Variants in NCAPD3 observed in about 807,000 individuals in gnomAD.
NCAPD3 encodes non-SMC condensin II complex subunit D3.
NCAPD3 carries 105 observed loss-of-function variants against 182.9 expected under a neutral mutation model. The ratio of observed to expected loss-of-function variants is 0.57; its 90% CI spans 0.49 to 0.68. The LOEUF is 0.68. NCAPD3 is among the 30% of genes least tolerant of loss of function. The pLI is 0.00. For synonymous variants in NCAPD3, 815 were observed against 679.9 expected, an observed-to-expected ratio of 1.20 and a Z score of -3.09; for missense variants, 1,944 against 1,837.0, an observed-to-expected ratio of 1.06 and a Z score of -1.07.
chr11:134,156,822 G>T (rs930866115), intron 32 of NCAPD3, 196 bp downstream of exon 32: 1 of 489,348 alleles, frequency 2.0e-6, no homozygotes, highest in Admixed American at 3.9e-5. Flanking sequence ...AACGACACTG[G>T]AACAACATAC....
chr11:134,157,000 T>A lies in NCAPD3; in HGVS notation c.4252+18A>T. ...GAGAGACTGAGGAGAAGCCCACGTG[T>A]TCCGATCAGTTACTCACTCTCGGGG... On this transcript the variant is annotated intron_variant, in intron 32 of 34. Transcript: ENST00000534548. 1 of 1,597,342 alleles carries A rather than the reference T, an allele frequency of 6.3e-7. No individual in the cohort carries two copies.
chr11:134,166,095 G>A (rs562194195), intron 27 of NCAPD3, among the ~76,000 whole-genome samples: 7 of 34,690 alleles, frequency 2.0e-4, no homozygotes, highest in African/African-American at 6.9e-4. Flanking sequence ...TGAGCTTGGG[G>A]GAGGGGCACA....
At chr11:134,167,337 C>A (rs1444276770) in intron 27 of NCAPD3, among the ~76,000 whole-genome samples, 1 of 49,452 alleles carries the variant, frequency 2.0e-5, no homozygotes, top group South Asian at 8.1e-4. Flanking sequence ...CTGGGGGAGG[C>A]GCACACTCGT....
chr11:134,204,209 A>G lies in NCAPD3; in HGVS notation c.1090-38T>C. 6.2e-7 allele frequency: 1 copy of G among 1,604,418 alleles called. No individual in the cohort carries two copies. The highest frequency in any genetic ancestry group is 8.5e-7 in the Non-Finnish European group (1 of 1,174,440). On this transcript the variant is annotated intron_variant, in intron 9 of 34. Transcript: ENST00000534548. This position sits in a 1 kb window ranked among gnomAD's most constrained non-coding sequence, Gnocchi z 4.3. ...AAGAGAAGTTGACCAACCAATATCC[A>G]CCCGCAGGATGGCTGAAACATATTC...
chr11:134,156,440 G>A (rs146858916), intron 32 of NCAPD3, among the ~76,000 whole-genome samples: 1 of 152,156 alleles, frequency 6.6e-6, no homozygotes, highest in Non-Finnish European at 1.5e-5. Context: ...TATGAGGTTT[G>A]ACACAATATG....
chr11:134,153,932 CTTGA>C lies in NCAPD3; in HGVS notation c.4253-573_4253-570del, dbSNP rs891360120. Reference sequence around the variant, plus strand: ...GGCTCAGTCCACCTCCCCCCTCGCCCTTGATTGTTCATGGCACCTACCCGCAATG... The same window carrying C: ...GGCTCAGTCCACCTCCCCCCTCGCCCTTGTTCATGGCACCTACCCGCAATG... On this transcript the variant is annotated intron_variant, in intron 32 of 34. Coordinates refer to ENST00000534548, the MANE Select transcript of NCAPD3 (RefSeq NM_015261.3). 5 of 161,040 alleles carry C rather than the reference CTTGA, an allele frequency of 3.1e-5. 1 individual carries two copies. Among genetic ancestry groups the C allele is most frequent in the Non-Finnish European group, 5.5e-5 (4 of 73,258 alleles). 10.0% of individuals were successfully genotyped at this position (161,040 alleles called of 1,614,324 possible).
rs1412622209 is a variant in NCAPD3, at chr11:134,206,656, G to T, written c.959C>A (p.Pro320His). 9 of 1,613,576 alleles carry T rather than the reference G, an allele frequency of 5.6e-6. No individual in the cohort carries two copies. In the South Asian group the frequency reaches 7.7e-5, roughly 14 times the overall value. Residue 320 changes from proline to histidine, a missense_variant, in exon 8 of 35, where the codon CCC becomes CAC. Coordinates refer to ENST00000534548, the MANE Select transcript of NCAPD3 (RefSeq NM_015261.3). The stretch of plus-strand genomic sequence containing the variant: ...GATGACTTGGGAGGTAACAGCAAGG[G>T]GGGCACGATGGGATCCTTCACCAAC... ...LEVGEGSHRA[P>H]LAVTSQVINC...
At chr11:134,217,214 C>G in intron 2 of NCAPD3, 116 bp from the exon 3 acceptor site, 1 of 849,830 alleles carries the variant, frequency 1.2e-6, no homozygotes, top group Non-Finnish European at 1.7e-6. Context: ...AGTAGCCTGG[C>G]TCCTACTGCT....
At chr11:134,171,615 T>G (rs12807349) in intron 24 of NCAPD3, among the ~76,000 whole-genome samples, 2,658 of 152,212 alleles carry the variant, frequency 0.017, 46 homozygotes, top group Non-Finnish European at 0.026. Context: ...GAAGCAGTAT[T>G]TCCTACACCC....
chr11:134,221,363 CT>C (rs955175897), intron 1 of NCAPD3, among the ~76,000 whole-genome samples: 13 of 146,140 alleles, frequency 8.9e-5, no homozygotes, highest in South Asian at 2.2e-4. Flanking sequence ...TTTTCTTTTT[CT>C]TTTTTTTTTG....
Position 134,152,056 on chromosome 11 carries a change from A to C in NCAPD3, c.*888T>G, listed in dbSNP as rs1187593093. The stretch of plus-strand genomic sequence containing the variant: ...TTTGCTTTTGTAATACTGGGATTAA[A>C]AAACAAACCAACTGCATTTCTTTCT... On this transcript the variant is annotated 3_prime_UTR_variant, in exon 35 of 35. Coordinates refer to ENST00000534548, the MANE Select transcript of NCAPD3 (RefSeq NM_015261.3). 6.6e-6 allele frequency: 1 copy of C among 152,274 alleles called. No individual in the cohort carries two copies. The highest frequency in any genetic ancestry group is 1.5e-5 in the Non-Finnish European group (1 of 68,056). 9.4% of individuals were successfully genotyped at this position (152,274 alleles called of 1,614,324 possible).
intron 4 of NCAPD3, 28 bp downstream of exon 4, chr11:134,210,242 T>C (rs200424458): frequency 1.6e-5 from 25 of 1,579,080 alleles, no homozygotes; most frequent in Middle Eastern, 3.5e-4. Context: ...TGTTGGTATA[T>C]ATGTTTTATA....
At chr11:134,170,851 T>TA (rs1464472190) in intron 24 of NCAPD3, among the ~76,000 whole-genome samples, 1 of 152,240 alleles carries the variant, frequency 6.6e-6, no homozygotes, top group African/African-American at 2.4e-5. Context: ...CCACAGCCAA[T>TA]GTGTGATATC....
upstream of NCAPD3, chr11:134,224,260 T>G: frequency 2.3e-6 from 1 of 430,552 alleles, no homozygotes; most frequent in South Asian, 2.6e-5. Context: ...GTATCTGAGA[T>G]AGGGTACTTC....
chr11:134,172,976 CAAAAAAAAA>C (rs55712707), intron 24 of NCAPD3: 1,906 of 72,690 alleles, frequency 0.026, 40 homozygotes, highest in African/African-American at 0.081. Context: ...GACCCTGTCT[CAAAAAAAAA>C]AAAAAAAAAA....
intron 28 of NCAPD3, among the ~76,000 whole-genome samples, chr11:134,161,166 G>C (rs1565519085): frequency 6.6e-6 from 1 of 152,114 alleles, no homozygotes; most frequent in South Asian, 2.1e-4. Context: ...AATGTGAACA[G>C]AGCTATAACT....
intron 27 of NCAPD3, among the ~76,000 whole-genome samples, chr11:134,164,570 A>G (rs932234946): frequency 3.9e-5 from 6 of 152,074 alleles, no homozygotes; most frequent in African/African-American, 1.4e-4. Context: ...AGCTTAGGGG[A>G]GCTGCACACT....
chr11:134,155,883 C>T (rs1488867037), intron 32 of NCAPD3, among the ~76,000 whole-genome samples: 2 of 152,138 alleles, frequency 1.3e-5, no homozygotes, highest in East Asian at 3.9e-4. Context: ...GATAAACTCC[C>T]TTCAAAGGGG....
chr11:134,223,887 A>G lies in NCAPD3; in HGVS notation c.40T>C (p.Trp14Arg). Residue 14 changes from tryptophan (W) to arginine (R), a missense_variant, in exon 1 of 35, where the codon TGG (tryptophan) becomes CGG (arginine). Physicochemically the swap from Trp to Arg is moderately radical, Grantham distance 101 (BLOSUM62 -3). This residue lies in a region of NCAPD3 where 131 missense variants were observed against 133.9 expected (regional missense o/e 0.98). Coordinates refer to ENST00000534548, the MANE Select transcript of NCAPD3 (RefSeq NM_015261.3). The stretch of plus-strand genomic sequence containing the variant: ...CCGAGTCTAAGATCCAGCGGACACC[A>G]GGGCTGCAGGCCGCTACCAAGGCCC... ...LRGLGSGLQP[W>R]CPLDLRLEWV... The G allele has an allele frequency of 5.6e-6, 9 of 1,612,638 alleles. No homozygotes were observed. Among genetic ancestry groups the G allele is most frequent in the Non-Finnish European group, 7.6e-6 (9 of 1,179,798 alleles).
Sources: gnomAD v4.1 joint callset for allele counts (sites outside exome capture counted in the v4.1 genomes callset) on GRCh38, gnomAD v4.1.1 for gene constraint, gnomAD v4.1.1 regional missense constraint, Gnocchi (gnomAD v3.1) non-coding constraint, MANE v1.5 for transcripts, NCBI Gene and HGNC (gene_info 2026-07-23, HGNC 2026-07-21) for gene names.